The following FHIT variants were observed in gnomAD, a reference collection of about 807,000 sequenced individuals.
FHIT encodes the protein bis(5'-adenosyl)-triphosphatase.
A neutral mutation model predicts 17.9 loss-of-function variants in FHIT; 19 were observed. That is an observed-to-expected ratio of 1.06 (90% CI 0.74 to 1.56). The LOEUF is 1.56. Ranked by LOEUF, FHIT falls within the 40% of genes most tolerant of loss-of-function variation. The pLI is 0.00. For missense variants in FHIT, 248 were observed against 189.2 expected (o/e 1.31, Z -1.82); for synonymous variants, 81 against 69.7 (o/e 1.16, Z -0.81).
At chr3:60,019,081 C>T (rs1484268060) in intron 5 of FHIT, among the ~76,000 whole-genome samples, 1 of 152,204 alleles carries the variant, frequency 6.6e-6, no homozygotes, top group South Asian at 2.1e-4. Flanking sequence ...ACTCATGCAA[C>T]TGCTTTCAGA....
chr3:61,146,465 C>T (rs746514737), intron 2 of FHIT, among the ~76,000 whole-genome samples: 4 of 152,032 alleles, frequency 2.6e-5, no homozygotes, highest in Non-Finnish European at 4.4e-5. Flanking sequence ...TATGATCTCA[C>T]TTGCAAACGA....
intron 3 of FHIT, among the ~76,000 whole-genome samples, chr3:61,031,338 C>T (rs1172086559): frequency 1.3e-5 from 2 of 152,098 alleles, no homozygotes; most frequent in South Asian, 4.1e-4. Flanking sequence ...GGTTACCACC[C>T]AGAACCAGTA....
At chr3:59,912,287 GCCCAATGC>G (rs1397989821) in intron 8 of FHIT, among the ~76,000 whole-genome samples, 1 of 152,166 alleles carries the variant, frequency 6.6e-6, no homozygotes, top group East Asian at 1.9e-4. Flanking sequence ...GATGAAACTA[GCCCAATGC>G]CCCAGGGAAA....
intron 5 of FHIT, among the ~76,000 whole-genome samples, chr3:60,114,809 A>T (rs1704879900): frequency 6.6e-6 from 1 of 152,122 alleles, no homozygotes; most frequent in Non-Finnish European, 1.5e-5. Flanking sequence ...CTTCCTTAAA[A>T]TTAAAAATGA....
At chr3:59,869,507 A>C (rs1702817708) in intron 8 of FHIT, among the ~76,000 whole-genome samples, 1 of 36,392 alleles carries the variant, frequency 2.7e-5, no homozygotes, top group East Asian at 1.2e-3. Flanking sequence ...TTTTAGACAG[A>C]GTCTCGCTCT....
At chr3:60,139,212 G>A (rs562965233) in intron 5 of FHIT, among the ~76,000 whole-genome samples, 4 of 152,288 alleles carry the variant, frequency 2.6e-5, no homozygotes, top group South Asian at 2.1e-4. Context: ...AGGAAGGCAC[G>A]TGATGAGGAG....
At chr3:60,148,893 C>G (rs980323773) in intron 5 of FHIT, among the ~76,000 whole-genome samples, 1 of 152,028 alleles carries the variant, frequency 6.6e-6, no homozygotes, top group Non-Finnish European at 1.5e-5. Context: ...TAAACGTGAC[C>G]CTAATTTTCA....
intron 2 of FHIT, among the ~76,000 whole-genome samples, chr3:61,147,868 G>A (rs1343063483): frequency 6.6e-6 from 1 of 151,804 alleles, no homozygotes; most frequent in Non-Finnish European, 1.5e-5. Context: ...GTTCTTTCTA[G>A]CTACAATTGA....
At chr3:60,051,925 T>C (rs1244518693) in intron 5 of FHIT, among the ~76,000 whole-genome samples, 1 of 152,198 alleles carries the variant, frequency 6.6e-6, no homozygotes, top group Admixed American at 6.5e-5. Flanking sequence ...TGGTTGGGTA[T>C]CTCCATTGGA....
At chr3:59,790,025 ATC>A (rs1699481985) in intron 8 of FHIT, among the ~76,000 whole-genome samples, 2 of 152,206 alleles carry the variant, frequency 1.3e-5, no homozygotes, top group African/African-American at 2.4e-5. Flanking sequence ...TTGTAGTCTC[ATC>A]TCTGTTATCC....
chr3:60,048,822 G>A (rs1701759262), intron 5 of FHIT, among the ~76,000 whole-genome samples: 1 of 152,160 alleles, frequency 6.6e-6, no homozygotes, highest in Admixed American at 6.5e-5. Context: ...GTAGTAACCA[G>A]CATCATTCAG....
At chr3:60,791,239 C>T (rs1439928020) in intron 4 of FHIT, among the ~76,000 whole-genome samples, 3 of 151,834 alleles carry the variant, frequency 2.0e-5, no homozygotes, top group African/African-American at 7.3e-5. Flanking sequence ...CACATTGGAG[C>T]CCAGTAAAGA....
At chr3:60,358,551 G>C (rs373055458) in intron 5 of FHIT, among the ~76,000 whole-genome samples, 3 of 152,296 alleles carry the variant, frequency 2.0e-5, no homozygotes, top group East Asian at 1.9e-4. Context: ...GTGAGCCTAG[G>C]TCAAAAAGCT....
chr3:60,478,678 T>C (rs937065286), intron 5 of FHIT, among the ~76,000 whole-genome samples: 2 of 152,220 alleles, frequency 1.3e-5, no homozygotes, highest in South Asian at 2.1e-4. Flanking sequence ...TCATTACATA[T>C]AACCTTTTTC....
At position 59,940,304 on chromosome 3, in the gene FHIT, C is replaced by T. The variant is rs186815019; in HGVS notation, c.280-17890G>A. Among the ~76,000 whole-genome samples, 62 of 152,236 alleles carry T rather than the reference C, an allele frequency of 4.1e-4. 1 individual carries two copies. Among genetic ancestry groups the T allele is most frequent in the Non-Finnish European group, 2.1e-4 (14 of 67,996 alleles). Reference sequence around the variant, plus strand: ...AACCACAAAATCTGTGCTACTTGACCACAACATCTTTCAGTTAAAAAAAAT... The same window carrying T: ...AACCACAAAATCTGTGCTACTTGACTACAACATCTTTCAGTTAAAAAAAAT... On this transcript the variant is annotated intron_variant, in intron 7 of 9. Coordinates refer to ENST00000492590, the MANE Select transcript of FHIT (RefSeq NM_002012.4).
rs142114060 is a variant in FHIT at position 60,313,470 on chromosome 3, C to T, written c.103+223390G>A. ...GTGAGCAGGCTAACGACTAGAGCTA[C>T]AAACAAGATTCCATCACCTATAACT... On this transcript the variant is annotated intron_variant, in intron 5 of 9. Coordinates refer to ENST00000492590, the MANE Select transcript of FHIT (RefSeq NM_002012.4). 5.4e-3 allele frequency among the ~76,000 whole-genome samples: 827 copies of T among 152,258 alleles called. 11 individuals are homozygous for T. The highest frequency in any genetic ancestry group is 0.019 in the African/African-American group (781 of 41,558).
intron 4 of FHIT, among the ~76,000 whole-genome samples, chr3:60,615,438 G>A (rs1386415110): frequency 2.6e-5 from 4 of 152,156 alleles, no homozygotes; most frequent in Non-Finnish European, 4.4e-5. Flanking sequence ...TTAATGACCA[G>A]TGCAAACCAC....
intron 2 of FHIT, among the ~76,000 whole-genome samples, chr3:61,057,007 T>C (rs929438816): frequency 2.0e-5 from 3 of 152,150 alleles, no homozygotes; most frequent in African/African-American, 7.2e-5. Context: ...TACATATGAA[T>C]TGTCCCAGTA....
chr3:59,991,442 C>A (rs58731594), intron 7 of FHIT, among the ~76,000 whole-genome samples: 26,602 of 152,038 alleles, frequency 0.17, 2,481 homozygotes, highest in South Asian at 0.27. Context: ...TTCCACAGCA[C>A]TTCTTTAGCC....
Sources: gnomAD v4.1 joint callset for allele counts (sites outside exome capture counted in the v4.1 genomes callset) on GRCh38, gnomAD v4.1.1 for gene constraint, MANE v1.5 for transcripts, NCBI Gene and HGNC (gene_info 2026-07-23, HGNC 2026-07-21) for gene names.